The following AGO3 variants were observed in gnomAD, a reference collection of about 807,000 sequenced individuals.
AGO3 encodes the protein protein argonaute-3.
A neutral mutation model predicts 105.5 loss-of-function variants in AGO3; 16 were observed. The ratio of observed to expected loss-of-function variants is 0.15; its 90% CI spans 0.10 to 0.23. AGO3 has a LOEUF of 0.23. Among genes scored for constraint, AGO3 ranks in the 10% least tolerant of loss-of-function variants. The pLI, the probability that AGO3 is intolerant of heterozygous loss-of-function variation, is 1.00. For synonymous variants in AGO3, 340 were observed against 367.3 expected (o/e 0.93, Z 0.85); for missense variants, 534 against 1,088.0 (o/e 0.49, Z 7.16).
intron 1 of AGO3, among the ~76,000 whole-genome samples, chr1:35,940,136 G>A (rs1222454544): frequency 2.0e-5 from 3 of 151,252 alleles, no homozygotes; most frequent in Non-Finnish European, 4.4e-5. Flanking sequence ...GCATGATCTT[G>A]GCTGACTGCA....
chr1:36,040,207 G>C (rs1345425881), intron 15 of AGO3, 100 bp from the exon 16 acceptor site: 4 of 1,356,088 alleles, frequency 2.9e-6, no homozygotes, highest in Non-Finnish European at 4.0e-6. Context: ...CTATAGAGTG[G>C]TGAAATTAAG....
At chr1:35,934,905 G>A (rs1057387439) in intron 1 of AGO3, among the ~76,000 whole-genome samples, 1 of 152,100 alleles carries the variant, frequency 6.6e-6, no homozygotes, top group Middle Eastern at 3.2e-3. Context: ...GCCTGCCTCG[G>A]CCTCCCAGAA....
intron 2 of AGO3, among the ~76,000 whole-genome samples, chr1:35,964,609 T>C (rs1646739916): frequency 6.6e-6 from 1 of 152,208 alleles, no homozygotes; most frequent in African/African-American, 2.4e-5. Flanking sequence ...GTCTTTATGA[T>C]AGAACAATTT....
At chr1:35,949,095 C>T (rs1178314874) in intron 2 of AGO3, among the ~76,000 whole-genome samples, 1 of 152,122 alleles carries the variant, frequency 6.6e-6, no homozygotes, top group African/African-American at 2.4e-5. Flanking sequence ...AGGCATGTGC[C>T]ATCATGCCCA....
intron 5 of AGO3, among the ~76,000 whole-genome samples, chr1:35,986,718 G>C (rs1403379113): frequency 6.6e-6 from 1 of 151,224 alleles, no homozygotes; most frequent in African/African-American, 2.4e-5. Flanking sequence ...AAAATGGGCT[G>C]GGCCTAGTGG....
rs1316153726 is a variant in AGO3 at position 36,061,674 on chromosome 1, G to C, written c.*5929G>C. 2 of 152,120 alleles carry C rather than the reference G, an allele frequency of 1.3e-5. No homozygotes were observed. The highest frequency in any genetic ancestry group is 4.8e-5 in the African/African-American group (2 of 41,438). The allele number at this position is 152,120 out of a possible 1,614,324, so 9.4% of individuals were successfully genotyped here. A position where few individuals can be genotyped will look rare whatever the true frequency, so the allele number is the denominator to read the frequency against. ...GGTAACCAGAATCTAATGTATCTAT[G>C]TTAGGGTCTCAGTAAAGCAAAGACG... On this transcript the variant is annotated 3_prime_UTR_variant, in exon 19 of 19. Transcript: ENST00000373191.
chr1:35,966,381 A>G (rs1646774949), intron 2 of AGO3, among the ~76,000 whole-genome samples: 1 of 152,160 alleles, frequency 6.6e-6, no homozygotes, highest in Non-Finnish European at 1.5e-5. Context: ...TAAGTATTGA[A>G]TATCTTTCTG....
chr1:35,976,816 A>T (rs1646963935), intron 5 of AGO3, among the ~76,000 whole-genome samples: 1 of 152,212 alleles, frequency 6.6e-6, no homozygotes, highest in Non-Finnish European at 1.5e-5. Context: ...CAGAAGTCAT[A>T]TTAATCTGCA....
intron 11 of AGO3, among the ~76,000 whole-genome samples, chr1:36,018,884 A>G (rs1297517112): frequency 1.3e-5 from 2 of 151,868 alleles, no homozygotes; most frequent in African/African-American, 4.8e-5. Context: ...CTTGATCCAC[A>G]ATCTTGGGAA....
intron 12 of AGO3, among the ~76,000 whole-genome samples, chr1:36,031,496 C>G (rs1354633607): frequency 6.7e-6 from 1 of 148,286 alleles, no homozygotes; most frequent in Non-Finnish European, 1.5e-5. Flanking sequence ...TTTTTTTGAG[C>G]CACATAATGA....
intron 12 of AGO3, among the ~76,000 whole-genome samples, chr1:36,028,565 G>A (rs2148835796): frequency 6.6e-6 from 1 of 152,030 alleles, no homozygotes; most frequent in East Asian, 1.9e-4. Flanking sequence ...TCCCTACAGA[G>A]GACATGAACT....
At chr1:35,995,209 A>AAAAAAATATATAT (rs1237315557) in intron 5 of AGO3, among the ~76,000 whole-genome samples, 4 of 114,790 alleles carry the variant, frequency 3.5e-5, no homozygotes, top group African/African-American at 1.5e-4. Flanking sequence ...TAAAAAAAAA[A>AAAAAAATATATAT]ATATATATAT....
intron 5 of AGO3, among the ~76,000 whole-genome samples, chr1:35,980,139 C>T (rs1376572082): frequency 6.6e-6 from 1 of 152,144 alleles, no homozygotes; most frequent in Non-Finnish European, 1.5e-5. Context: ...TGTTTTAAAG[C>T]AGTCTTTTGT....
chr1:35,988,419 T>G (rs935026552), intron 5 of AGO3, among the ~76,000 whole-genome samples: 1 of 152,144 alleles, frequency 6.6e-6, no homozygotes, highest in Non-Finnish European at 1.5e-5. Flanking sequence ...TTTCTATGCT[T>G]TGACCAACAT....
At chr1:35,995,149 C>G (rs1044272677) in intron 5 of AGO3, among the ~76,000 whole-genome samples, 2 of 147,160 alleles carry the variant, frequency 1.4e-5, no homozygotes, top group African/African-American at 5.0e-5. Flanking sequence ...TGCAGTGAGC[C>G]GAGGTATCAC....
intron 14 of AGO3, 125 bp downstream of exon 14, chr1:36,036,392 A>T: frequency 2.2e-6 from 2 of 910,042 alleles, no homozygotes; most frequent in Non-Finnish European, 3.4e-6. Flanking sequence ...TGGGTTTTTG[A>T]AAAGAATGAT....
At chr1:35,995,300 A>G (rs550494895) in intron 5 of AGO3, among the ~76,000 whole-genome samples, 1 of 150,838 alleles carries the variant, frequency 6.6e-6, no homozygotes, top group Non-Finnish European at 1.5e-5. Context: ...TAACATTTCT[A>G]TTTTGAAGAG....
At chr1:35,950,400 A>C (rs1381334058) in intron 2 of AGO3, among the ~76,000 whole-genome samples, 2 of 152,210 alleles carry the variant, frequency 1.3e-5, no homozygotes, top group African/African-American at 4.8e-5. Flanking sequence ...ATTATAGCCA[A>C]ACAATTGCCA....
At chr1:35,954,873 A>C (rs571333605) in intron 2 of AGO3, among the ~76,000 whole-genome samples, 1 of 152,232 alleles carries the variant, frequency 6.6e-6, no homozygotes. Context: ...ATATCATCTT[A>C]TGGGACCACC....
Sources: allele counts gnomAD v4.1 joint callset (sites outside exome capture counted in the v4.1 genomes callset), GRCh38; gene constraint gnomAD v4.1.1; transcripts MANE v1.5; gene names NCBI Gene and HGNC (gene_info 2026-07-23, HGNC 2026-07-21).